Variants in DZANK1 observed in about 807,000 individuals in gnomAD.
DZANK1 encodes double zinc ribbon and ankyrin repeat domains 1.
Under a neutral mutation model 94.5 loss-of-function variants are expected in DZANK1, and 91 were observed. The observed-to-expected ratio is 0.96, with a 90% CI of 0.81 to 1.15. DZANK1 has a LOEUF of 1.15. Ranked by LOEUF, DZANK1 falls within the 50% of genes most tolerant of loss-of-function variation. The pLI is 0.00. For synonymous variants in DZANK1, 312 were observed against 325.3 expected (o/e 0.96, Z 0.44); for missense variants, 903 against 916.4 (o/e 0.99, Z 0.19).
chr20:18,389,855 C>T, intron 18 of DZANK1, 27 bp from the exon 19 acceptor site: 1 of 1,612,934 alleles, frequency 6.2e-7, no homozygotes, highest in South Asian at 1.1e-5. Context: ...AGGACAAACT[C>T]TCCAAAACAC....
At chr20:18,443,042 T>G (rs527889355) in intron 8 of DZANK1, among the ~76,000 whole-genome samples, 1 of 152,328 alleles carries the variant, frequency 6.6e-6, no homozygotes, top group South Asian at 2.1e-4. Context: ...ATTTCCTTAT[T>G]ATACCCAGGA....
rs972793165 is a variant in DZANK1, at chr20:18,461,622, G to A, written c.110-1316C>T. On this transcript the variant is annotated intron_variant, in intron 2 of 20. Coordinates refer to ENST00000262547, the Ensembl canonical transcript of DZANK1. ...AATCTTTTTTTTTTTTTTTTGAGAC[G>A]GAGTTTCACTCCTGTCATCCTGACT... Among the ~76,000 whole-genome samples the A allele has an allele frequency of 1.1e-4, 16 of 145,046 alleles. 1 individual carries two copies. Among genetic ancestry groups the A allele is most frequent in the African/African-American group, 2.8e-4 (11 of 38,920 alleles).
chr20:18,433,906 G>A, intron 8 of DZANK1, 141 bp from the exon 9 acceptor site: 1 of 666,866 alleles, frequency 1.5e-6, no homozygotes, highest in Non-Finnish European at 2.5e-6. Context: ...GGCAGGTCGG[G>A]CTTGGTTAGT....
chr20:18,412,737 T>G (rs1434468264), exon 13 of DZANK1: 1 of 1,613,718 alleles, frequency 6.2e-7, no homozygotes, highest in Non-Finnish European at 8.5e-7. Context: ...GTTCCTTTTT[T>G]GCTAGCAGCT....
At chr20:18,465,847 G>A (rs537599136) in intron 1 of DZANK1, among the ~76,000 whole-genome samples, 5 of 152,290 alleles carry the variant, frequency 3.3e-5, no homozygotes, top group Admixed American at 2.0e-4. Context: ...GGAAAGCTCC[G>A]GGTTCACAGC....
intron 13 of DZANK1, among the ~76,000 whole-genome samples, chr20:18,405,034 A>C (rs1176589777): frequency 2.0e-5 from 3 of 152,038 alleles, no homozygotes; most frequent in Admixed American, 6.6e-5. Context: ...TCTCTACAAA[A>C]ATTTTTTTTT....
At chr20:18,386,688 CAACT>C (rs1183208340) in intron 19 of DZANK1, among the ~76,000 whole-genome samples, 2 of 152,056 alleles carry the variant, frequency 1.3e-5, no homozygotes, top group African/African-American at 4.8e-5. Flanking sequence ...ATCCACTGTC[CAACT>C]AACAGTTCTA....
intron 2 of DZANK1, 114 bp from the exon 3 acceptor site, chr20:18,460,420 TTTAAG>T: frequency 3.5e-6 from 3 of 857,572 alleles, no homozygotes; most frequent in South Asian, 3.3e-5. Flanking sequence ...AAAGTTGTGA[TTTAAG>T]TTAAGATTTA....
At chr20:18,432,881 T>A (rs974596742) in intron 9 of DZANK1, 1 of 152,256 alleles carries the variant, frequency 6.6e-6, no homozygotes, top group Non-Finnish European at 1.5e-5. Context: ...CAGTATGATA[T>A]CATTTTTTGA....
chr20:18,417,947 G>T (rs142530663), intron 10 of DZANK1, among the ~76,000 whole-genome samples: 2 of 152,182 alleles, frequency 1.3e-5, no homozygotes, highest in East Asian at 1.9e-4. Context: ...TTAGCCGGGC[G>T]TGGTGGCACA....
exon 18 of DZANK1, chr20:18,390,379 C>T: frequency 1.2e-6 from 2 of 1,613,838 alleles, no homozygotes; most frequent in Non-Finnish European, 1.7e-6. Context: ...CAACACTTAC[C>T]TCATCCAGCA....
chr20:18,464,923 C>T (rs1477437433), intron 2 of DZANK1, among the ~76,000 whole-genome samples: 7 of 151,884 alleles, frequency 4.6e-5, no homozygotes, highest in Non-Finnish European at 8.8e-5. Flanking sequence ...GATCCACCTG[C>T]CTCGGCCTGC....
chr20:18,434,539 C>G (rs2058436591), intron 8 of DZANK1, among the ~76,000 whole-genome samples: 1 of 141,722 alleles, frequency 7.1e-6, no homozygotes, highest in Non-Finnish European at 1.5e-5. Flanking sequence ...GAGCGAGACT[C>G]CTGCTCAAAA....
intron 14 of DZANK1, among the ~76,000 whole-genome samples, chr20:18,398,082 T>C (rs908619367): frequency 6.6e-6 from 1 of 152,132 alleles, no homozygotes; most frequent in Non-Finnish European, 1.5e-5. Context: ...ACAAAGGTAA[T>C]ACACCTCCCT....
chr20:18,390,297 A>G, intron 18 of DZANK1, 82 bp downstream of exon 18: 1 of 1,346,644 alleles, frequency 7.4e-7, no homozygotes, highest in East Asian at 2.3e-5. Context: ...ACAGTATTGA[A>G]CAAAACTTTC....
intron 19 of DZANK1, among the ~76,000 whole-genome samples, chr20:18,389,411 G>A (rs552736446): frequency 1.1e-4 from 17 of 152,260 alleles, no homozygotes; most frequent in African/African-American, 4.1e-4. Flanking sequence ...CACCCCAAGG[G>A]CTAAGGATTT....
chr20:18,437,074 T>C (rs1033405722), intron 8 of DZANK1, among the ~76,000 whole-genome samples: 2 of 152,116 alleles, frequency 1.3e-5, no homozygotes, highest in Admixed American at 6.6e-5. Flanking sequence ...AGATGATCAC[T>C]TGAGTTCACA....
chr20:18,440,249 G>A (rs1261910609), intron 8 of DZANK1, among the ~76,000 whole-genome samples: 1 of 152,158 alleles, frequency 6.6e-6, no homozygotes, highest in Non-Finnish European at 1.5e-5. Flanking sequence ...TTAGCAAACT[G>A]ATATACCTGG....
rs764368674 is a variant in DZANK1 at position 18,389,673 on chromosome 20, A to G, written c.2018+28T>C. ...CAAGCAGTCAGCCTGCTGCTACCTTAGCTCTCCTTTCAATGTGTTTCACTT... is the reference window on the plus strand; with the variant it reads ...CAAGCAGTCAGCCTGCTGCTACCTTGGCTCTCCTTTCAATGTGTTTCACTT... On this transcript the variant is annotated intron_variant, in intron 19 of 20. Transcript: ENST00000262547. 1.9e-6 allele frequency: 3 copies of G among 1,612,584 alleles called. No homozygotes were observed. The South Asian group carries it at 3.3e-5, about 18-fold the overall frequency.
Sources: allele counts gnomAD v4.1 joint callset (sites outside exome capture counted in the v4.1 genomes callset), GRCh38; gene constraint gnomAD v4.1.1; transcripts MANE v1.5; gene names NCBI Gene and HGNC (gene_info 2026-07-23, HGNC 2026-07-21).